The following ACYP2 variants were observed in gnomAD, a reference collection of about 807,000 sequenced individuals.
The protein encoded by ACYP2 is acylphosphatase-2.
ACYP2 carries 12 observed loss-of-function variants against 11.2 expected under a neutral mutation model. The ratio of observed to expected loss-of-function variants is 1.08; its 90% CI spans 0.69 to 1.74. The LOEUF (loss-of-function observed/expected upper bound fraction) is 1.74, where lower values mean the gene tolerates loss of function less well. Ranked by LOEUF, ACYP2 falls within the 40% of genes most tolerant of loss-of-function variation. The probability of loss-of-function intolerance (pLI) is 0.00; values close to 1 mark genes in which losing one functional copy is unlikely to be tolerated. For synonymous variants in ACYP2, 43 were observed against 32.2 expected (o/e 1.33, Z -1.13); for missense variants, 134 against 101.9 (o/e 1.31, Z -1.35).
intron 6 of ACYP2, among the ~76,000 whole-genome samples, chr2:54,143,758 G>GA (rs386417903): frequency 2.7e-5 from 2 of 75,016 alleles, no homozygotes; most frequent in African/African-American, 1.1e-4. Context: ...TTTTTTTTTT[G>GA]GGGGGGGGGT....
At chr2:54,154,356 C>A (rs56856168) in intron 6 of ACYP2, among the ~76,000 whole-genome samples, 1,607 of 152,250 alleles carry the variant, frequency 0.011, 26 homozygotes, top group African/African-American at 0.037. Context: ...GCATCCTGGT[C>A]TTGTTCCTGA....
chr2:54,302,369 C>T (rs1283750544), intron 6 of ACYP2, among the ~76,000 whole-genome samples: 1 of 152,156 alleles, frequency 6.6e-6, no homozygotes, highest in African/African-American at 2.4e-5. Flanking sequence ...GGATCCCTCT[C>T]TACTTCCTGA....
intron 2 of ACYP2, among the ~76,000 whole-genome samples, chr2:54,047,096 C>T (rs1675567380): frequency 6.6e-6 from 1 of 152,212 alleles, no homozygotes. Flanking sequence ...CACCAAGGCA[C>T]TAAGGCACCA....
chr2:54,290,765 C>T (rs373474151), intron 6 of ACYP2, among the ~76,000 whole-genome samples: 1 of 152,044 alleles, frequency 6.6e-6, no homozygotes, highest in Non-Finnish European at 1.5e-5. Flanking sequence ...GCGTGTCTGG[C>T]CAACTCATTT....
At chr2:54,093,297 CG>C (rs1417611761) in intron 4 of ACYP2, among the ~76,000 whole-genome samples, 1 of 152,124 alleles carries the variant, frequency 6.6e-6, no homozygotes, top group Non-Finnish European at 1.5e-5. Context: ...AGACAACTGC[CG>C]GAAGAACTAA....
At chr2:54,080,672 A>T (rs1677598624) in intron 4 of ACYP2, among the ~76,000 whole-genome samples, 1 of 152,062 alleles carries the variant, frequency 6.6e-6, no homozygotes, top group South Asian at 2.1e-4. Context: ...TATTTTTAGT[A>T]GAGATGGAGT....
At chr2:54,278,116 T>A (rs2104107112) in intron 6 of ACYP2, among the ~76,000 whole-genome samples, 1 of 152,320 alleles carries the variant, frequency 6.6e-6, no homozygotes, top group South Asian at 2.1e-4. Flanking sequence ...TAGCTGGGAC[T>A]ACAGGCGCCC....
intron 4 of ACYP2, among the ~76,000 whole-genome samples, chr2:54,130,850 C>G (rs1680859630): frequency 6.6e-6 from 1 of 152,146 alleles, no homozygotes; most frequent in African/African-American, 2.4e-5. Context: ...TCTCATCATA[C>G]TAATTTTTGC....
At chr2:54,203,804 T>C (rs1411624713) in intron 6 of ACYP2, among the ~76,000 whole-genome samples, 10 of 78,390 alleles carry the variant, frequency 1.3e-4, no homozygotes, top group Non-Finnish European at 1.7e-4. Context: ...TAATACCCCC[T>C]TTTTTTTTTC....
intron 6 of ACYP2, among the ~76,000 whole-genome samples, chr2:54,279,218 C>T (rs908554193): frequency 2.6e-5 from 4 of 152,202 alleles, no homozygotes; most frequent in African/African-American, 9.7e-5. Context: ...CAAACGATAG[C>T]CAGTGGGCCA....
intron 4 of ACYP2, among the ~76,000 whole-genome samples, chr2:54,093,633 A>G (rs938783561): frequency 1.3e-5 from 2 of 152,242 alleles, no homozygotes; most frequent in African/African-American, 4.8e-5. Context: ...AGTGGGAATA[A>G]CAATGATATT....
At chr2:54,000,784 C>T (rs1291338189) in intron 2 of ACYP2, among the ~76,000 whole-genome samples, 1 of 152,196 alleles carries the variant, frequency 6.6e-6, no homozygotes, top group Non-Finnish European at 1.5e-5. Context: ...TACGTCACTT[C>T]CATTCCCATT....
In ACYP2 at chr2:54,083,215, A is replaced by G. The variant is rs541805034; in HGVS notation, c.277+25855A>G. ...GGATCTGTTATTGAAGCGAGCACAA[A>G]TGTTAGTCTGCTGCCACCCGCCAGG... On this transcript the variant is annotated intron_variant, in intron 4 of 6. Coordinates refer to ENST00000607452, the MANE Select transcript of ACYP2 (RefSeq NM_001320586.2). Among the ~76,000 whole-genome samples, 20 of 152,354 alleles carry G rather than the reference A, an allele frequency of 1.3e-4. No individual in the cohort carries two copies. The South Asian group carries it at 3.9e-3, about 30-fold the overall frequency.
At chr2:54,274,184 A>C (rs1688442825) in intron 6 of ACYP2, among the ~76,000 whole-genome samples, 1 of 152,228 alleles carries the variant, frequency 6.6e-6, no homozygotes, top group African/African-American at 2.4e-5. Context: ...CATGGATGGC[A>C]GCAGGCAAGA....
intron 6 of ACYP2, among the ~76,000 whole-genome samples, chr2:54,246,849 T>A (rs1350666010): frequency 6.6e-6 from 1 of 152,182 alleles, no homozygotes; most frequent in Non-Finnish European, 1.5e-5. Flanking sequence ...GTATATTTTA[T>A]CAAGTTAAGA....
At chr2:53,995,339 A>G (rs13401150) in intron 2 of ACYP2, among the ~76,000 whole-genome samples, 3,967 of 152,242 alleles carry the variant, frequency 0.026, 162 homozygotes, top group African/African-American at 0.091. Context: ...TAAAACATCC[A>G]TATCTACAGT....
intron 4 of ACYP2, among the ~76,000 whole-genome samples, chr2:54,114,650 C>T (rs1437286366): frequency 4.6e-5 from 7 of 152,206 alleles, no homozygotes; most frequent in Non-Finnish European, 1.0e-4. Flanking sequence ...CACTACTGCA[C>T]TCCAGTCTGG....
intron 6 of ACYP2, among the ~76,000 whole-genome samples, chr2:54,157,371 A>T (rs1466747423): frequency 6.6e-6 from 1 of 152,202 alleles, no homozygotes; most frequent in Non-Finnish European, 1.5e-5. Context: ...TATTGTGGAT[A>T]TCTTTTGATG....
At chr2:54,272,611 A>T (rs1688358604) in intron 6 of ACYP2, among the ~76,000 whole-genome samples, 2 of 152,222 alleles carry the variant, frequency 1.3e-5, no homozygotes, top group South Asian at 4.1e-4. Context: ...TGGTCTTTCC[A>T]TTGTACCAAT....
Sources: allele counts gnomAD v4.1 joint callset (sites outside exome capture counted in the v4.1 genomes callset), GRCh38; gene constraint gnomAD v4.1.1; transcripts MANE v1.5; gene names NCBI Gene and HGNC (gene_info 2026-07-23, HGNC 2026-07-21).